The following CCDC150 variants were observed in gnomAD, a reference collection of about 807,000 sequenced individuals.
CCDC150 encodes coiled-coil domain-containing protein 150.
A neutral mutation model predicts 156.5 loss-of-function variants in CCDC150; 151 were observed. The ratio of observed to expected loss-of-function variants is 0.97; its 90% CI spans 0.85 to 1.10. The LOEUF (loss-of-function observed/expected upper bound fraction) is 1.10, where lower values mean the gene tolerates loss of function less well. CCDC150 is among the 50% of genes least tolerant of loss of function. The pLI, the probability that CCDC150 is intolerant of heterozygous loss-of-function variation, is 0.00. For missense variants in CCDC150, 1,312 were observed against 1,268.1 expected, an observed-to-expected ratio of 1.03 and a Z score of -0.53; for synonymous variants, 452 against 429.4, an observed-to-expected ratio of 1.05 and a Z score of -0.65.
At chr2:196,658,890 G>T (rs766608625) in intron 5 of CCDC150, 30 bp downstream of exon 5, 6 of 1,483,154 alleles carry the variant, frequency 4.0e-6, no homozygotes, top group South Asian at 2.4e-5. Context: ...GGTGGAGGAG[G>T]TGTTGGAATT....
At chr2:196,661,756 A>G (rs1559222358) in intron 5 of CCDC150, among the ~76,000 whole-genome samples, 1 of 152,238 alleles carries the variant, frequency 6.6e-6, no homozygotes, top group East Asian at 1.9e-4. Context: ...AGTACTTCAG[A>G]AACAAATACT....
In CCDC150 at chr2:196,720,575, G is replaced by A. The variant is rs199789389; in HGVS notation, c.2166G>A (p.Arg722=). Residue 722 remains arginine (R), a splice_region_variant and synonymous_variant, in exon 20 of 28, where the codon AGG becomes AGA. Coordinates refer to ENST00000389175, the MANE Select transcript of CCDC150 (RefSeq NM_001080539.2). The part of the protein sequence containing the change: ...DSEIAGLKKE[R]DLNQQRVQKL... The stretch of plus-strand genomic sequence containing the variant: ...CTCTTTTTGTGCTTTTTATTTTTAG[G>A]GATCTCAATCAACAGAGGGTGCAGA... The A allele has an allele frequency of 1.0e-4, 162 of 1,612,640 alleles. No homozygotes were observed. Among genetic ancestry groups the A allele is most frequent in the Middle Eastern group, 6.6e-4 (4 of 6,060 alleles).
At chr2:196,716,815 C>T (rs1406687996) in intron 17 of CCDC150, among the ~76,000 whole-genome samples, 1 of 139,756 alleles carries the variant, frequency 7.2e-6, no homozygotes, top group East Asian at 2.1e-4. Context: ...ATTACCTATT[C>T]AAAAATGTAT....
At chr2:196,655,391 A>T (rs1693127033) in intron 2 of CCDC150, among the ~76,000 whole-genome samples, 1 of 152,168 alleles carries the variant, frequency 6.6e-6, no homozygotes, top group South Asian at 2.1e-4. Flanking sequence ...GTCACTAGAT[A>T]AGTGGACAAA....
At position 196,676,558 on chromosome 2, in the gene CCDC150, C is replaced by T. The variant is rs766996934; in HGVS notation, c.1267C>T (p.His423Tyr). The T allele has an allele frequency of 6.2e-7, 1 of 1,610,960 alleles. No individual in the cohort carries two copies. The highest frequency in any genetic ancestry group is 8.5e-7 in the Non-Finnish European group (1 of 1,178,500). Reference sequence around the variant, plus strand: ...GTTCTTGATCTCTTCCTGCAGGGATCATTTAATCCTTGAGCATAACCAGTG... The same window carrying T: ...GTTCTTGATCTCTTCCTGCAGGGATTATTTAATCCTTGAGCATAACCAGTG... ...EKTQLQAHLDHLILEHNQCIQ... is the reference protein window; with the variant it reads ...EKTQLQAHLDYLILEHNQCIQ... The change falls in exon 12 of 28, where the codon CAT (histidine) becomes TAT (tyrosine). Residue 423 changes from histidine (H) to tyrosine (Y), a missense_variant. Physicochemically the swap from His to Tyr is moderately conservative, Grantham distance 83. Coordinates refer to ENST00000389175, the MANE Select transcript of CCDC150 (RefSeq NM_001080539.2).
intron 1 of CCDC150, among the ~76,000 whole-genome samples, chr2:196,643,589 A>C (rs2376082): frequency 0.78 from 118,998 of 152,234 alleles, 46,707 homozygotes; most frequent in East Asian, 0.95. Flanking sequence ...TTTAGTTGGG[A>C]ATCTGCATCC....
At chr2:196,708,341 T>C (rs1015434406) in intron 15 of CCDC150, among the ~76,000 whole-genome samples, 12 of 152,198 alleles carry the variant, frequency 7.9e-5, no homozygotes, top group African/African-American at 2.7e-4. Context: ...CTGCTTTTTC[T>C]TGGTTTCCAT....
intron 20 of CCDC150, among the ~76,000 whole-genome samples, chr2:196,721,203 A>G (rs1697862354): frequency 6.7e-6 from 1 of 150,272 alleles, no homozygotes; most frequent in Admixed American, 6.7e-5. Flanking sequence ...AGGAAGGGTA[A>G]TTTAGTTTAA....
intron 13 of CCDC150, 70 bp downstream of exon 13, chr2:196,677,431 A>G (rs1371178426): frequency 9.8e-7 from 1 of 1,024,116 alleles, no homozygotes; most frequent in Admixed American, 2.1e-5. Context: ...GTATCAGCTT[A>G]TCTTAATGAG....
At chr2:196,696,362 T>G (rs1454125112) in intron 14 of CCDC150, among the ~76,000 whole-genome samples, 1 of 152,190 alleles carries the variant, frequency 6.6e-6, no homozygotes, top group Non-Finnish European at 1.5e-5. Flanking sequence ...CTGGTATTAT[T>G]TCAGACCAAC....
At chr2:196,674,978 A>G (rs547167943) in intron 10 of CCDC150, among the ~76,000 whole-genome samples, 12 of 152,290 alleles carry the variant, frequency 7.9e-5, no homozygotes, top group Admixed American at 3.3e-4. Context: ...CATTTTACAG[A>G]TAAGAAAATG....
chr2:196,646,299 A>G (rs1261747988), intron 1 of CCDC150, 42 bp from the exon 2 acceptor site: 2 of 1,590,466 alleles, frequency 1.3e-6, no homozygotes, highest in African/African-American at 1.3e-5. Context: ...TTTTTGAACA[A>G]TAATAGGACC....
chr2:196,720,588 CA>C lies in CCDC150; in HGVS notation c.2180del (p.Gln727ArgfsTer35), dbSNP rs1559275251. On this transcript the variant is annotated frameshift_variant, in exon 20 of 28. Transcript: ENST00000389175. LOFTEE classifies it high-confidence loss of function. ...GLKKERDLNQ[Q>X]RVQKLEAEVD... ...TTTTATTTTTAGGGATCTCAATCAA[CA>C]GAGGGTGCAGAAGCTGGAAGCTGAA... 5 of 1,613,636 alleles carry C rather than the reference CA, an allele frequency of 3.1e-6. No homozygotes were observed. Among genetic ancestry groups the C allele is most frequent in the Non-Finnish European group, 4.2e-6 (5 of 1,179,698 alleles).
intron 15 of CCDC150, among the ~76,000 whole-genome samples, chr2:196,706,920 T>G (rs1041728955): frequency 1.1e-4 from 17 of 152,222 alleles, no homozygotes; most frequent in Non-Finnish European, 5.9e-5. Flanking sequence ...TGCCAGTATT[T>G]TATTGAGGAT....
intron 13 of CCDC150, among the ~76,000 whole-genome samples, chr2:196,694,325 G>A (rs1432815618): frequency 1.3e-5 from 2 of 152,022 alleles, no homozygotes; most frequent in Admixed American, 1.3e-4. Context: ...CAAAGACCTG[G>A]GATTACAGGC....
At chr2:196,648,851 T>G (rs896172296) in intron 2 of CCDC150, among the ~76,000 whole-genome samples, 1 of 152,214 alleles carries the variant, frequency 6.6e-6, no homozygotes, top group African/African-American at 2.4e-5. Flanking sequence ...TTCATTCTTC[T>G]GTATGTGGAT....
At chr2:196,670,808 G>A (rs1406391768) in intron 8 of CCDC150, among the ~76,000 whole-genome samples, 1 of 152,058 alleles carries the variant, frequency 6.6e-6, no homozygotes, top group African/African-American at 2.4e-5. Context: ...ATTCTAACTG[G>A]AATCTCAATA....
chr2:196,677,331 C>G lies in CCDC150; in HGVS notation c.1479C>G (p.Cys493Trp). The G allele has an allele frequency of 6.4e-7, 1 of 1,567,990 alleles. No homozygotes were observed. The highest frequency in any genetic ancestry group is 1.2e-5 in the South Asian group (1 of 85,080). ...KTEKEIVQER[C>W]NLEKELAKNK... ...AAAAAGAAATAGTGCAAGAAAGATG[C>G]AATTTGGAAAAGGAATTAGCTAAAA... Residue 493 changes from cysteine (C) to tryptophan (W), a missense_variant, in exon 13 of 28, where the codon TGC becomes TGG. Coordinates refer to ENST00000389175, the MANE Select transcript of CCDC150 (RefSeq NM_001080539.2).
chr2:196,721,654 A>G lies in CCDC150; in HGVS notation c.2392A>G (p.Ser798Gly), dbSNP rs763632983. 6.2e-7 allele frequency: 1 copy of G among 1,603,152 alleles called. No homozygotes were observed. The highest frequency in any genetic ancestry group is 8.5e-7 in the Non-Finnish European group (1 of 1,175,292). Residue 798 changes from serine to glycine, a missense_variant, in exon 21 of 28, where the codon AGC (serine) becomes GGC (glycine). Ser to Gly is a moderately conservative substitution (Grantham distance 56). Coordinates refer to ENST00000389175, the MANE Select transcript of CCDC150 (RefSeq NM_001080539.2). The part of the protein sequence containing the change: ...KLDHIQEQLE[S>G]KELERQNLET... The stretch of plus-strand genomic sequence containing the variant: ...AGATCACATTCAAGAGCAATTGGAA[A>G]GCAAAGAACTTGAGCGACAGAATTT...
Sources: gnomAD v4.1 joint callset for allele counts (sites outside exome capture counted in the v4.1 genomes callset) on GRCh38, gnomAD v4.1.1 for gene constraint, MANE v1.5 for transcripts, NCBI Gene and HGNC (gene_info 2026-07-23, HGNC 2026-07-21) for gene names.